DRC7: variants seen among roughly 807,000 people sequenced by gnomAD.
The protein encoded by DRC7 is dynein regulatory complex subunit 7, also known as coiled-coil domain containing 135.
In DRC7, 80 loss-of-function variants were observed where a neutral mutation model predicts 104.4. The ratio of observed to expected loss-of-function variants is 0.77; its 90% CI spans 0.64 to 0.92. The LOEUF is 0.92. Ranked by LOEUF, DRC7 falls within the 40% of genes least tolerant of loss-of-function variation. The pLI is 0.00. For synonymous variants in DRC7, 405 were observed against 447.3 expected (o/e 0.91, Z 1.19); for missense variants, 1,034 against 1,141.1 (o/e 0.91, Z 1.35).
At chr16:57,719,377 G>A (rs1202117628) in intron 9 of DRC7, among the ~76,000 whole-genome samples, 1 of 152,212 alleles carries the variant, frequency 6.6e-6, no homozygotes, top group Non-Finnish European at 1.5e-5. Context: ...TGAGATCAAG[G>A]TGTGGACAGG....
intron 16 of DRC7, 46 bp downstream of exon 16, chr16:57,727,455 C>A (rs770865080): frequency 2.1e-6 from 3 of 1,443,144 alleles, no homozygotes; most frequent in African/African-American, 2.8e-5. Flanking sequence ...CCTAGACCCC[C>A]CTGGTCTCCA....
At position 57,698,973 on chromosome 16, in the gene DRC7, C is replaced by T. The variant is rs557290288; in HGVS notation, c.327C>T (p.Cys109=). Residue 109 remains cysteine (C), a synonymous_variant, in exon 4 of 19, where the codon TGC becomes TGT. Coordinates refer to ENST00000360716, the MANE Select transcript of DRC7 (RefSeq NM_001289162.2). Reference sequence around the variant, plus strand: ...TCTCCCGCCAGTACAGCCATCTGTGCCCGGACCGCGTGCCCCTCTTCCTGC... The same window carrying T: ...TCTCCCGCCAGTACAGCCATCTGTGTCCGGACCGCGTGCCCCTCTTCCTGC... ...DNFSRQYSHL[C]PDRVPLFLHP... is the part of the protein sequence containing the mutation. 118 of 1,614,220 alleles carry T rather than the reference C, an allele frequency of 7.3e-5. No homozygotes were observed. The South Asian group carries it at 1.2e-3, about 17-fold the overall frequency.
At chr16:57,729,482 ATGAGTGGGTGGG>A (rs2049021711) in intron 17 of DRC7, among the ~76,000 whole-genome samples, 1 of 86,266 alleles carries the variant, frequency 1.2e-5, no homozygotes, top group African/African-American at 4.4e-5. Context: ...GGGTGGATGG[ATGAGTGGGTGGG>A]TGGATGGATG....
rs3809611 is a variant in DRC7 at position 57,722,731 on chromosome 16, C to T, written c.1298C>T (p.Pro433Leu). Residue 433 changes from proline to leucine, a missense_variant, in exon 11 of 19, where the codon CCG becomes CTG. Coordinates refer to ENST00000360716, the MANE Select transcript of DRC7 (RefSeq NM_001289162.2). ...TCCACAGCATTTGAGACCCGCTGCC[C>T]GAACGGGAAGAAGGTGATTCAGTAC... Reference protein sequence around the residue: ...ISPEAFETRCPNGKKVIQYKR... With the variant: ...ISPEAFETRCLNGKKVIQYKR... The T allele has an allele frequency of 0.24, 381,057 of 1,613,380 alleles. 46,487 individuals are homozygous for T. The highest frequency in any genetic ancestry group is 0.25 in the South Asian group (22,715 of 91,068).
Position 57,726,090 on chromosome 16 carries a change from G to A in DRC7, c.1781G>A (p.Arg594His), listed in dbSNP as rs1279392609. ...PIVKITERFF[R>H]NPAKPAEEDV... ...CAGAAAATCACAGAGCGGTTCTTCCGCAACCCAGCGAAGCCCGCGGAGGAG... is the reference window on the plus strand; with the variant it reads ...CAGAAAATCACAGAGCGGTTCTTCCACAACCCAGCGAAGCCCGCGGAGGAG... Residue 594 changes from arginine (R) to histidine (H), a missense_variant, in exon 14 of 19, where the codon CGC (arginine) becomes CAC (histidine). Physicochemically the swap from Arg to His is conservative, Grantham distance 29. Transcript: ENST00000360716. The A allele has an allele frequency of 2.5e-6, 4 of 1,613,274 alleles. No individual in the cohort carries two copies. Among genetic ancestry groups the A allele is most frequent in the Non-Finnish European group, 3.4e-6 (4 of 1,179,948 alleles).
intron 8 of DRC7, among the ~76,000 whole-genome samples, chr16:57,713,172 T>C (rs1369347871): frequency 5.3e-5 from 8 of 152,224 alleles, no homozygotes; most frequent in African/African-American, 1.9e-4. Context: ...CTTAATATAG[T>C]GAATTTTCTG....
chr16:57,714,106 C>T (rs1298401427), intron 8 of DRC7: 5 of 183,176 alleles, frequency 2.7e-5, no homozygotes, highest in South Asian at 1.1e-4. Flanking sequence ...GATAATCACT[C>T]GTTCTGTTGC....
intron 16 of DRC7, 114 bp from the exon 17 acceptor site, chr16:57,728,276 C>A: frequency 1.0e-6 from 1 of 976,504 alleles, no homozygotes; most frequent in Non-Finnish European, 1.5e-6. Flanking sequence ...AGGCGCCATG[C>A]ACTGGAACCT....
chr16:57,726,849 C>G lies in DRC7; in HGVS notation c.1992C>G (p.His664Gln). 1.2e-6 allele frequency: 2 copies of G among 1,612,218 alleles called. No homozygotes were observed. Among genetic ancestry groups the G allele is most frequent in the East Asian group, 4.5e-5 (2 of 44,858 alleles). Residue 664 changes from histidine (H) to glutamine (Q), a missense_variant, in exon 15 of 19, where the codon CAC becomes CAG. Physicochemically the swap from His to Gln is conservative, Grantham distance 24. Transcript: ENST00000360716. ...TGTCCCAGGTGGAGCCCATGGAGCACACCAAGAAGCTGCTCTACCAGTACG... is the reference window on the plus strand; with the variant it reads ...TGTCCCAGGTGGAGCCCATGGAGCAGACCAAGAAGCTGCTCTACCAGTACG... ...CISFEVEPME[H>Q]TKKLLYQYEA...
chr16:57,731,159 CT>C lies in DRC7; in HGVS notation c.2532-4del. ...TCACCCTCTTTCCTTGCCTCTCTGA[CT>C]TCAGACACAAGGAACTGGCCCCACT... is the stretch of plus-strand genomic sequence containing the variant. On this transcript the variant is annotated splice_region_variant and splice_polypyrimidine_tract_variant and intron_variant, in intron 18 of 18. Transcript: ENST00000360716. 6.2e-7 allele frequency: 1 copy of C among 1,613,862 alleles called. No homozygotes were observed. Among genetic ancestry groups the C allele is most frequent in the Non-Finnish European group, 8.5e-7 (1 of 1,179,946 alleles).
chr16:57,698,774 C>A lies in DRC7; in HGVS notation c.204-76C>A. On this transcript the variant is annotated intron_variant, in intron 3 of 18. Transcript: ENST00000360716. ...GGATTAAATGAGGAAGGGGTAGAGC[C>A]AATGGCAACTCAGTGGAACCAGGGC... 9 of 1,450,936 alleles carry A rather than the reference C, an allele frequency of 6.2e-6. No individual in the cohort carries two copies. The Admixed American group carries it at 1.1e-4, about 17-fold the overall frequency. The allele number at this position is 1,450,936 out of a possible 1,614,324, so 89.9% of individuals were successfully genotyped here.
intron 13 of DRC7, 86 bp downstream of exon 13, chr16:57,724,921 G>A: frequency 9.0e-7 from 1 of 1,109,018 alleles, no homozygotes; most frequent in Non-Finnish European, 1.3e-6. Flanking sequence ...CCTGGCTCTG[G>A]GGTGGCATTA....
intron 8 of DRC7, among the ~76,000 whole-genome samples, chr16:57,717,272 T>C (rs2048853034): frequency 1.4e-5 from 2 of 143,792 alleles, no homozygotes; most frequent in Non-Finnish European, 3.0e-5. Context: ...TCTTACTCTG[T>C]CTCCCAGGCT....
chr16:57,701,832 T>C, intron 5 of DRC7, 104 bp from the exon 6 acceptor site: 1 of 992,320 alleles, frequency 1.0e-6, no homozygotes, highest in Non-Finnish European at 1.5e-6. Flanking sequence ...AGCCTGTGCA[T>C]TGGTCCTGGC....
Position 57,728,585 on chromosome 16 carries a change from G to A in DRC7, c.2391+1G>A, listed in dbSNP as rs2049001599. The A allele has an allele frequency of 1.9e-6, 3 of 1,585,422 alleles. No individual in the cohort carries two copies. The highest frequency in any genetic ancestry group is 1.4e-5 in the African/African-American group (1 of 73,996). ...CCTCATCCAGGCCCGCTTTGAGAAGGTGCCACCAGGGCCTTTGTTGGGGAG... is the reference window on the plus strand; with the variant it reads ...CCTCATCCAGGCCCGCTTTGAGAAGATGCCACCAGGGCCTTTGTTGGGGAG... On this transcript the variant is annotated splice_donor_variant, in intron 17 of 18. Coordinates refer to ENST00000360716, the MANE Select transcript of DRC7 (RefSeq NM_001289162.2). LOFTEE classifies it high-confidence loss of function.
intron 7 of DRC7, among the ~76,000 whole-genome samples, chr16:57,705,801 C>A (rs2048713889): frequency 7.9e-6 from 1 of 127,354 alleles, no homozygotes; most frequent in Non-Finnish European, 1.6e-5. Flanking sequence ...CATCCATCCT[C>A]CCATTTCTCC....
At chr16:57,715,935 A>T (rs1264596949) in intron 8 of DRC7, among the ~76,000 whole-genome samples, 1 of 152,212 alleles carries the variant, frequency 6.6e-6, no homozygotes, top group African/African-American at 2.4e-5. Context: ...GGAAGAGATG[A>T]TGGCATAGGC....
Position 57,698,130 on chromosome 16 carries a change from A to T in DRC7, c.181A>T (p.Ile61Phe). 2 of 1,614,156 alleles carry T rather than the reference A, an allele frequency of 1.2e-6. No individual in the cohort carries two copies. Among genetic ancestry groups the T allele is most frequent in the Non-Finnish European group, 1.7e-6 (2 of 1,180,030 alleles). The change falls in exon 3 of 19, where the codon ATC becomes TTC. Residue 61 changes from isoleucine to phenylalanine, a missense_variant. Transcript: ENST00000360716. Reference protein sequence around the residue: ...DLEKKLSEIQITVSAELPAFT... With the variant: ...DLEKKLSEIQFTVSAELPAFT... Reference sequence around the variant, plus strand: ...GGAGAAGAAGCTGTCAGAGATCCAGATCACTGTCTCAGCGGAGCTCCCGTG... The same window carrying T: ...GGAGAAGAAGCTGTCAGAGATCCAGTTCACTGTCTCAGCGGAGCTCCCGTG...
At chr16:57,709,749 A>G (rs1225130147) in intron 8 of DRC7, among the ~76,000 whole-genome samples, 2 of 152,148 alleles carry the variant, frequency 1.3e-5, no homozygotes, top group East Asian at 3.8e-4. Flanking sequence ...ATCTAATTCC[A>G]GAATTTTTTC....
Sources: allele counts gnomAD v4.1 joint callset (sites outside exome capture counted in the v4.1 genomes callset), GRCh38; gene constraint gnomAD v4.1.1; transcripts MANE v1.5; gene names NCBI Gene and HGNC (gene_info 2026-07-23, HGNC 2026-07-21).